Variants in RORB observed in about 807,000 individuals in gnomAD.
RORB encodes the protein nuclear receptor ROR-beta.
In RORB, 6 loss-of-function variants were observed where a neutral mutation model predicts 59.1. That is an observed-to-expected ratio of 0.10 (90% CI 0.06 to 0.20). The LOEUF (loss-of-function observed/expected upper bound fraction) is 0.20. Ranked by LOEUF, RORB falls within the 10% of genes least tolerant of loss-of-function variation. The pLI is 1.00. For missense variants in RORB, 320 were observed against 560.5 expected (o/e 0.57, Z 4.33); for synonymous variants, 215 against 204.5 (o/e 1.05, Z -0.44).
chr9:74,585,804 T>TTATTTATTTATTTATTTATTTATG (rs1252780748), intron 1 of RORB, among the ~76,000 whole-genome samples: 3 of 151,620 alleles, frequency 2.0e-5, no homozygotes, highest in African/African-American at 7.3e-5. Flanking sequence ...ATTTATTTAT[T>TTATTTATTTATTTATTTATTTATG]TATTTATTGA....
chr9:74,677,359 A>G (rs1563972299), intron 9 of RORB, among the ~76,000 whole-genome samples: 1 of 152,228 alleles, frequency 6.6e-6, no homozygotes, highest in Non-Finnish European at 1.5e-5. Context: ...AGACTTATAT[A>G]TACTTATTTC....
In RORB at chr9:74,497,418, G is replaced by C. The variant is rs1256075238; in HGVS notation, c.-559G>C. 1 of 154,250 alleles carries C rather than the reference G, an allele frequency of 6.5e-6. No individual in the cohort carries two copies. The highest frequency in any genetic ancestry group is 2.4e-5 in the African/African-American group (1 of 41,470). The allele number at this position is 154,250 out of a possible 1,614,324, so 9.6% of individuals were successfully genotyped here. Reference sequence around the variant, plus strand: ...AATTCACATTGTGGATCCGCTAACAGGCACAGATGTCATGTGAAAACGCAC... The same window carrying C: ...AATTCACATTGTGGATCCGCTAACACGCACAGATGTCATGTGAAAACGCAC... On this transcript the variant is annotated 5_prime_UTR_variant, in exon 1 of 10. Transcript: ENST00000376896.
At chr9:74,607,197 A>C (rs1823162032) in intron 1 of RORB, among the ~76,000 whole-genome samples, 1 of 152,204 alleles carries the variant, frequency 6.6e-6, no homozygotes, top group South Asian at 2.1e-4. Context: ...TGGGCTTCTG[A>C]AGGGACTTAT....
chr9:74,618,653 A>T (rs1186451454), intron 1 of RORB, among the ~76,000 whole-genome samples: 2 of 152,070 alleles, frequency 1.3e-5, no homozygotes, highest in Non-Finnish European at 2.9e-5. Flanking sequence ...GAACTTCAGG[A>T]ATGGTCTCTA....
intron 6 of RORB, among the ~76,000 whole-genome samples, chr9:74,664,866 A>T (rs945709949): frequency 6.6e-6 from 1 of 152,240 alleles, no homozygotes; most frequent in Non-Finnish European, 1.5e-5. Flanking sequence ...TCTCCAAAAC[A>T]TGGGAAGCTA....
At chr9:74,643,524 C>G (rs1823844949) in intron 4 of RORB, among the ~76,000 whole-genome samples, 1 of 152,230 alleles carries the variant, frequency 6.6e-6, no homozygotes, top group Admixed American at 6.5e-5. Flanking sequence ...TTCTGACCCA[C>G]TGCAACTTTG....
chr9:74,602,366 A>G (rs1267410469), intron 1 of RORB, among the ~76,000 whole-genome samples: 4 of 152,246 alleles, frequency 2.6e-5, no homozygotes. Flanking sequence ...TGTTTTAAAG[A>G]ATAAATGTTA....
At chr9:74,591,153 G>A (rs778524601) in intron 1 of RORB, among the ~76,000 whole-genome samples, 5 of 152,192 alleles carry the variant, frequency 3.3e-5, no homozygotes, top group Admixed American at 1.3e-4. Context: ...AAGAGGTAAC[G>A]ATGAAGATCC....
chr9:74,633,324 G>C (rs1823650134), intron 2 of RORB, among the ~76,000 whole-genome samples: 2 of 152,188 alleles, frequency 1.3e-5, no homozygotes, highest in African/African-American at 4.8e-5. Flanking sequence ...TCATCCTGTA[G>C]ATAGTTGAGG....
intron 1 of RORB, among the ~76,000 whole-genome samples, chr9:74,624,617 C>A (rs540149847): frequency 6.6e-6 from 1 of 152,148 alleles, no homozygotes; most frequent in African/African-American, 2.4e-5. Flanking sequence ...GCATCACAGA[C>A]CTTTGGCTTT....
chr9:74,521,369 A>G (rs530675231), intron 1 of RORB, among the ~76,000 whole-genome samples: 1 of 151,942 alleles, frequency 6.6e-6, no homozygotes, highest in East Asian at 1.9e-4. Flanking sequence ...TTCCTTCACC[A>G]TAATCCAAAA....
intron 1 of RORB, among the ~76,000 whole-genome samples, chr9:74,534,715 A>G (rs1167020759): frequency 1.3e-5 from 2 of 152,038 alleles, no homozygotes; most frequent in Non-Finnish European, 2.9e-5. Flanking sequence ...AAAGATGCTG[A>G]CGTTGCTGCT....
chr9:74,538,527 G>C (rs1255324964), intron 1 of RORB, among the ~76,000 whole-genome samples: 1 of 151,990 alleles, frequency 6.6e-6, no homozygotes, highest in Non-Finnish European at 1.5e-5. Context: ...TCCTCTGTTA[G>C]TATTTTGCTT....
intron 1 of RORB, among the ~76,000 whole-genome samples, chr9:74,617,575 G>C (rs1468223951): frequency 6.6e-6 from 1 of 152,174 alleles, no homozygotes; most frequent in Non-Finnish European, 1.5e-5. Context: ...AATCTCTTTA[G>C]AGAAAGTGTG....
chr9:74,521,197 G>A (rs763206420), intron 1 of RORB, among the ~76,000 whole-genome samples: 5 of 151,794 alleles, frequency 3.3e-5, no homozygotes, highest in South Asian at 2.1e-4. Flanking sequence ...GGGTCTAATC[G>A]TAAGTCCAAG....
chr9:74,601,382 T>TATTA (rs58180816), intron 1 of RORB, among the ~76,000 whole-genome samples: 2 of 148,464 alleles, frequency 1.3e-5, no homozygotes, highest in South Asian at 2.1e-4. Context: ...TATATATATA[T>TATTA]TATATATATA....
chr9:74,524,465 G>A (rs1447625062), intron 1 of RORB, among the ~76,000 whole-genome samples: 1 of 151,880 alleles, frequency 6.6e-6, no homozygotes, highest in Admixed American at 6.6e-5. Context: ...CTGCTGAAAA[G>A]CTAATTACCT....
chr9:74,627,664 CCTGGGGAGTAA>C (rs1823542431), intron 1 of RORB, among the ~76,000 whole-genome samples: 1 of 151,752 alleles, frequency 6.6e-6, no homozygotes. Flanking sequence ...TAAGCTACTC[CCTGGGGAGTAA>C]TTTATGCAAA....
intron 4 of RORB, among the ~76,000 whole-genome samples, chr9:74,653,018 A>G (rs1824020686): frequency 6.6e-6 from 1 of 152,230 alleles, no homozygotes; most frequent in Non-Finnish European, 1.5e-5. Flanking sequence ...GAAAAATCAG[A>G]AAGGTCTTTA....
Sources: gnomAD v4.1 joint callset for allele counts (sites outside exome capture counted in the v4.1 genomes callset) on GRCh38, gnomAD v4.1.1 for gene constraint, MANE v1.5 for transcripts, NCBI Gene and HGNC (gene_info 2026-07-23, HGNC 2026-07-21) for gene names.